KPNA5: variants seen among roughly 807,000 people sequenced by gnomAD.
The protein encoded by KPNA5 is importin subunit alpha-6.
KPNA5 carries 46 observed loss-of-function variants against 71.3 expected under a neutral mutation model. The observed-to-expected ratio is 0.65, with a 90% CI of 0.51 to 0.83. The LOEUF is 0.83. KPNA5 is among the 40% of genes least tolerant of loss of function. KPNA5 has a pLI of 0.00. For missense variants in KPNA5, 547 were observed against 628.3 expected (o/e 0.87, Z 1.38); for synonymous variants, 207 against 201.4 (o/e 1.03, Z -0.24).
At chr6:116,708,024 T>C (rs1429460377) in intron 7 of KPNA5, among the ~76,000 whole-genome samples, 1 of 152,240 alleles carries the variant, frequency 6.6e-6, no homozygotes, top group Non-Finnish European at 1.5e-5. Flanking sequence ...TACCTTTGTG[T>C]CTGGCTTCTT....
At chr6:116,707,203 T>A (rs529596381) in intron 7 of KPNA5, among the ~76,000 whole-genome samples, 1 of 152,286 alleles carries the variant, frequency 6.6e-6, no homozygotes, top group South Asian at 2.1e-4. Context: ...TTGTTCACAT[T>A]GTAATTCACA....
At position 116,692,276 on chromosome 6, in the gene KPNA5, T is replaced by TTG; in HGVS notation, c.241-7_241-6dup. 2 of 1,503,834 alleles carry TTG rather than the reference T, an allele frequency of 1.3e-6. No individual in the cohort carries two copies. The highest frequency in any genetic ancestry group is 1.8e-6 in the Non-Finnish European group (2 of 1,095,424). 93.2% of individuals were successfully genotyped at this position (1,503,834 alleles called of 1,614,324 possible). A position where few individuals can be genotyped will look rare whatever the true frequency, so the allele number is the denominator to read the frequency against. On this transcript the variant is annotated splice_polypyrimidine_tract_variant and intron_variant, in intron 3 of 13. Coordinates refer to ENST00000368564, the MANE Select transcript of KPNA5 (RefSeq NM_001366306.2). ...AAATATGTAAATGTTAATTATATTT[T>TTG]TGTGTGTGTGTTTTAGGAAGAAGTT...
At chr6:116,704,082 G>A (rs1778342498) in intron 6 of KPNA5, among the ~76,000 whole-genome samples, 1 of 151,458 alleles carries the variant, frequency 6.6e-6, no homozygotes. Flanking sequence ...GTGTCACTCA[G>A]GCTGCAGTGC....
chr6:116,710,873 T>TATA (rs1554256692), intron 7 of KPNA5, among the ~76,000 whole-genome samples: 3 of 84,870 alleles, frequency 3.5e-5, no homozygotes, highest in African/African-American at 8.3e-5. Context: ...TAATATTATT[T>TATA]TATATATATA....
Position 116,732,923 on chromosome 6 carries a change from G to A in KPNA5, c.*600G>A, listed in dbSNP as rs1344992081. The A allele has an allele frequency of 6.6e-6, 1 of 151,762 alleles. No homozygotes were observed. The highest frequency in any genetic ancestry group is 1.5e-5 in the Non-Finnish European group (1 of 67,832). 9.4% of individuals were successfully genotyped at this position (151,762 alleles called of 1,614,324 possible). A position where few individuals can be genotyped will look rare whatever the true frequency, so the allele number is the denominator to read the frequency against. On this transcript the variant is annotated 3_prime_UTR_variant, in exon 14 of 14. Transcript: ENST00000368564. ...ACCTATAAAATTTATTTATAAAACA[G>A]AAGAAATATTATACTGATAATCCAT...
rs1394937353 is a variant in KPNA5, at chr6:116,734,077, A to G, written c.*1754A>G. On this transcript the variant is annotated 3_prime_UTR_variant, in exon 14 of 14. Transcript: ENST00000368564. ...TAGTGGAAGGTATATAGCCGAGTAT[A>G]AAATGGTTTTCTTTTGCATTATCTG... is the stretch of plus-strand genomic sequence containing the variant. 1 of 151,692 alleles carries G rather than the reference A, an allele frequency of 6.6e-6. No homozygotes were observed. Among genetic ancestry groups the G allele is most frequent in the Non-Finnish European group, 1.5e-5 (1 of 67,716 alleles). 9.4% of individuals were successfully genotyped at this position (151,692 alleles called of 1,614,324 possible). A position where few individuals can be genotyped will look rare whatever the true frequency, so the allele number is the denominator to read the frequency against.
chr6:116,722,971 G>T (rs1417706578), intron 9 of KPNA5, among the ~76,000 whole-genome samples: 1 of 152,142 alleles, frequency 6.6e-6, no homozygotes, highest in East Asian at 1.9e-4. Context: ...GGAGTTGGGG[G>T]TCCCAGCATG....
rs1179972268 is a variant in KPNA5 at position 116,724,335 on chromosome 6, C to A, written c.959C>A (p.Ala320Glu). The A allele has an allele frequency of 6.2e-7, 1 of 1,610,644 alleles. No individual in the cohort carries two copies. Among genetic ancestry groups the A allele is most frequent in the Non-Finnish European group, 8.5e-7 (1 of 1,177,312 alleles). The change falls in exon 10 of 14, where the codon GCA becomes GAA. Residue 320 changes from alanine to glutamate, a missense_variant. By Grantham distance (107) the Ala-to-Glu change is moderately radical. Coordinates refer to ENST00000368564, the MANE Select transcript of KPNA5 (RefSeq NM_001366306.2). Reference sequence around the variant, plus strand: ...AAAGTTGTATCACCTGCATTAAGGGCAGTTGGTAATATTGTGACTGGTGAT... The same window carrying A: ...AAAGTTGTATCACCTGCATTAAGGGAAGTTGGTAATATTGTGACTGGTGAT... Reference protein sequence around the residue: ...DYKVVSPALRAVGNIVTGDDI... With the variant: ...DYKVVSPALREVGNIVTGDDI...
chr6:116,729,841 T>A (rs1449823654), intron 13 of KPNA5, 100 bp downstream of exon 13: 1 of 714,128 alleles, frequency 1.4e-6, no homozygotes, highest in African/African-American at 1.8e-5. Context: ...AAAAGCAGTA[T>A]GTATTTTTTT....
rs1490857929 is a variant in KPNA5, at chr6:116,739,221, C to G, written c.*6898C>G. ...TATACACCAATAACAGACAAACAGC[C>G]AAATCATGAGTGAACTCCCATTCAC... On this transcript the variant is annotated 3_prime_UTR_variant, in exon 14 of 14. Coordinates refer to ENST00000368564, the MANE Select transcript of KPNA5 (RefSeq NM_001366306.2). 6.6e-6 allele frequency: 1 copy of G among 151,552 alleles called. No individual in the cohort carries two copies. The highest frequency in any genetic ancestry group is 1.5e-5 in the Non-Finnish European group (1 of 67,722). 9.4% of individuals were successfully genotyped at this position (151,552 alleles called of 1,614,324 possible).
Position 116,692,414 on chromosome 6 carries a change from C to T in KPNA5, c.340+22C>T, listed in dbSNP as rs372488504. On this transcript the variant is annotated intron_variant, in intron 4 of 13. Coordinates refer to ENST00000368564, the MANE Select transcript of KPNA5 (RefSeq NM_001366306.2). ...AAAGGCAAGAATTATTTTCAGTATGCTTATTTGATATTACACGATTTTTTA... is the reference window on the plus strand; with the variant it reads ...AAAGGCAAGAATTATTTTCAGTATGTTTATTTGATATTACACGATTTTTTA... 30 of 1,431,466 alleles carry T rather than the reference C, an allele frequency of 2.1e-5. No individual in the cohort carries two copies. The African/African-American group carries it at 4.0e-4, about 19-fold the overall frequency. 88.7% of individuals were successfully genotyped at this position (1,431,466 alleles called of 1,614,324 possible). A position where few individuals can be genotyped will look rare whatever the true frequency, so the allele number is the denominator to read the frequency against.
At chr6:116,723,476 G>C (rs370100964) in intron 9 of KPNA5, among the ~76,000 whole-genome samples, 77 of 152,276 alleles carry the variant, frequency 5.1e-4, no homozygotes, top group Middle Eastern at 3.4e-3. Flanking sequence ...TCAGGACTGG[G>C]ACTGAGAAAA....
In KPNA5 at chr6:116,698,810, G is replaced by A; in HGVS notation, c.435+12G>A. 6.9e-7 allele frequency: 1 copy of A among 1,447,604 alleles called. No homozygotes were observed. The highest frequency in any genetic ancestry group is 9.4e-7 in the Non-Finnish European group (1 of 1,061,226). 89.7% of individuals were successfully genotyped at this position (1,447,604 alleles called of 1,614,324 possible). A position where few individuals can be genotyped will look rare whatever the true frequency, so the allele number is the denominator to read the frequency against. The stretch of plus-strand genomic sequence containing the variant: ...ATTGCACTTTACAAGTGAGTCTAAA[G>A]TTTTCTTTCTTAATTTTTCTCTAGA... On this transcript the variant is annotated intron_variant, in intron 5 of 13. Transcript: ENST00000368564.
Position 116,686,812 on chromosome 6 carries a change from T to C in KPNA5, c.5-2508T>C, listed in dbSNP as rs527891796. Among the ~76,000 whole-genome samples, 3 of 152,332 alleles carry C rather than the reference T, an allele frequency of 2.0e-5. No homozygotes were observed. The East Asian group carries it at 5.8e-4, about 29-fold the overall frequency. ...GGGAGTCCTTTCCCAATTGCTTCCT[T>C]TTGTCAGTTTTGTCAAAGATCAGAT... On this transcript the variant is annotated intron_variant, in intron 1 of 13. Transcript: ENST00000368564.
At chr6:116,702,867 T>A (rs1389420209) in intron 6 of KPNA5, among the ~76,000 whole-genome samples, 1 of 152,228 alleles carries the variant, frequency 6.6e-6, no homozygotes, top group Non-Finnish European at 1.5e-5. Context: ...TAAAGTTTTG[T>A]TGTAAGAGGT....
Position 116,681,226 on chromosome 6 carries a change from C to G in KPNA5, c.-109C>G, listed in dbSNP as rs1167911578. 4.0e-6 allele frequency: 6 copies of G among 1,483,986 alleles called. No individual in the cohort carries two copies. In the South Asian group the frequency reaches 4.6e-5, roughly 11 times the overall value. 91.9% of individuals were successfully genotyped at this position (1,483,986 alleles called of 1,614,324 possible). On this transcript the variant is annotated 5_prime_UTR_variant, in exon 1 of 14. Transcript: ENST00000368564. The stretch of plus-strand genomic sequence containing the variant: ...GGTGGCCGCCATCTTGGATTGCGAA[C>G]TGGGTCGCTACGCTTCACGCCAGGG...
intron 7 of KPNA5, among the ~76,000 whole-genome samples, chr6:116,713,769 A>G (rs1583431437): frequency 2.0e-5 from 3 of 152,014 alleles, no homozygotes; most frequent in South Asian, 2.1e-4. Flanking sequence ...CAATTAACCT[A>G]TCTTAGGGTT....
chr6:116,681,259 G>C lies in KPNA5; in HGVS notation c.-76G>C. On this transcript the variant is annotated 5_prime_UTR_variant, in exon 1 of 14. Transcript: ENST00000368564. ...CTACGCTTCACGCCAGGGGCGGAGT[G>C]GCGGCCCTTCTGTTACCCGCCACAC... 6.3e-7 allele frequency: 1 copy of C among 1,594,080 alleles called. No homozygotes were observed. The highest frequency in any genetic ancestry group is 1.3e-5 in the African/African-American group (1 of 74,156).
chr6:116,694,340 T>G (rs1777933106), intron 4 of KPNA5, among the ~76,000 whole-genome samples: 1 of 152,204 alleles, frequency 6.6e-6, no homozygotes, highest in Non-Finnish European at 1.5e-5. Flanking sequence ...TATAGCCATT[T>G]TCATGATATT....
Sources: allele counts gnomAD v4.1 joint callset (sites outside exome capture counted in the v4.1 genomes callset), GRCh38; gene constraint gnomAD v4.1.1; transcripts MANE v1.5; gene names NCBI Gene and HGNC (gene_info 2026-07-23, HGNC 2026-07-21).